SEMA3A: variants seen among roughly 807,000 people sequenced by gnomAD.
SEMA3A encodes semaphorin 3A, also known as semaphorin-3A.
Under a neutral mutation model 97.9 loss-of-function variants are expected in SEMA3A, and 29 were observed. The ratio of observed to expected loss-of-function variants is 0.30; its 90% CI spans 0.22 to 0.40. The LOEUF is 0.40. Among genes scored for constraint, SEMA3A ranks in the 10% least tolerant of loss-of-function variants. The probability of loss-of-function intolerance (pLI) is 1.00; values close to 1 mark genes in which losing one functional copy is unlikely to be tolerated. For synonymous variants in SEMA3A, 321 were observed against 323.7 expected, an observed-to-expected ratio of 0.99 and a Z score of 0.09; for missense variants, 763 against 951.3, an observed-to-expected ratio of 0.80 and a Z score of 2.60.
intron 3 of SEMA3A, among the ~76,000 whole-genome samples, chr7:84,275,352 T>A (rs577140985): frequency 1.3e-5 from 2 of 152,114 alleles, no homozygotes; most frequent in Admixed American, 1.3e-4. Flanking sequence ...AAAGCATCAA[T>A]GTCAATACAA....
At chr7:84,418,473 C>T (rs1300061613) in intron 1 of SEMA3A, among the ~76,000 whole-genome samples, 1 of 152,056 alleles carries the variant, frequency 6.6e-6, no homozygotes, top group Non-Finnish European at 1.5e-5. Flanking sequence ...AGCTACAATT[C>T]AAGATGAGAT....
intron 1 of SEMA3A, among the ~76,000 whole-genome samples, chr7:84,139,662 A>G (rs1273037385): frequency 6.6e-6 from 1 of 152,082 alleles, no homozygotes; most frequent in East Asian, 1.9e-4. Flanking sequence ...GGCAGAAAAA[A>G]TCAACTTAAA....
intron 3 of SEMA3A, among the ~76,000 whole-genome samples, chr7:84,220,913 G>T (rs1798863459): frequency 6.6e-6 from 1 of 152,064 alleles, no homozygotes; most frequent in African/African-American, 2.4e-5. Flanking sequence ...AGCTATATTA[G>T]CTTCTAACAA....
intron 1 of SEMA3A, among the ~76,000 whole-genome samples, chr7:84,162,300 G>A (rs1386888985): frequency 6.6e-6 from 1 of 152,112 alleles, no homozygotes; most frequent in African/African-American, 2.4e-5. Context: ...AGTTGATCCT[G>A]TGTGTACACA....
chr7:84,121,145 CCTT>C (rs1395444027), intron 3 of SEMA3A, among the ~76,000 whole-genome samples: 3 of 152,080 alleles, frequency 2.0e-5, no homozygotes, highest in Non-Finnish European at 4.4e-5. Flanking sequence ...TGCAAACCAG[CCTT>C]CTACTTCAGA....
intron 1 of SEMA3A, among the ~76,000 whole-genome samples, chr7:84,186,149 C>T (rs1459073697): frequency 6.6e-6 from 1 of 152,190 alleles, no homozygotes; most frequent in Non-Finnish European, 1.5e-5. Context: ...CTCTTCTCTA[C>T]TTTTACCTTC....
chr7:84,113,229 AAGAACTGGACAG>A (rs1171655892), intron 3 of SEMA3A, among the ~76,000 whole-genome samples: 1 of 152,260 alleles, frequency 6.6e-6, no homozygotes, highest in Non-Finnish European at 1.5e-5. Flanking sequence ...AGTGCATTAA[AAGAACTGGACAG>A]AGAAGAAGCA....
chr7:84,119,618 C>T (rs372687016), intron 3 of SEMA3A, among the ~76,000 whole-genome samples: 15 of 152,046 alleles, frequency 9.9e-5, no homozygotes, highest in Admixed American at 5.2e-4. Context: ...AGACATAACA[C>T]GTCTGAGTAA....
chr7:83,986,971 C>G (rs1172863213), intron 12 of SEMA3A, among the ~76,000 whole-genome samples: 1 of 97,564 alleles, frequency 1.0e-5, no homozygotes, highest in Non-Finnish European at 2.4e-5. Context: ...CTCTCTCTTT[C>G]ACACACACAC....
intron 3 of SEMA3A, among the ~76,000 whole-genome samples, chr7:84,265,073 T>C (rs1016393966): frequency 6.6e-6 from 1 of 152,142 alleles, no homozygotes; most frequent in African/African-American, 2.4e-5. Flanking sequence ...AAGGCTTCAC[T>C]TGAGTTTTGT....
intron 1 of SEMA3A, among the ~76,000 whole-genome samples, chr7:84,174,275 G>T (rs1797492338): frequency 6.6e-6 from 1 of 152,188 alleles, no homozygotes; most frequent in Non-Finnish European, 1.5e-5. Context: ...TGCCAAAAAG[G>T]TTGGGGACCA....
intron 15 of SEMA3A, among the ~76,000 whole-genome samples, chr7:83,965,653 TATATATATATATA>T (rs1355880418): frequency 0.016 from 209 of 13,260 alleles, 7 homozygotes; most frequent in Non-Finnish European, 0.024. Context: ...TATATATATA[TATATATATATATA>T]TTTTTTTTTT....
intron 2 of SEMA3A, among the ~76,000 whole-genome samples, chr7:84,311,164 G>T (rs762397283): frequency 6.6e-6 from 1 of 151,698 alleles, no homozygotes; most frequent in East Asian, 1.9e-4. Context: ...ATACTATATT[G>T]GGCAAGGTTT....
chr7:84,050,966 A>G (rs1354099682), intron 5 of SEMA3A, among the ~76,000 whole-genome samples: 2 of 151,716 alleles, frequency 1.3e-5, no homozygotes, highest in African/African-American at 2.4e-5. Context: ...TTAAATAGGG[A>G]ATCCTTTCCC....
chr7:83,991,451 T>C (rs1562958937), intron 12 of SEMA3A, among the ~76,000 whole-genome samples: 1 of 150,592 alleles, frequency 6.6e-6, no homozygotes, highest in African/African-American at 2.4e-5. Flanking sequence ...ATATTGGCTG[T>C]GGGTATGTCA....
chr7:84,088,359 C>T (rs1794448817), intron 4 of SEMA3A, among the ~76,000 whole-genome samples: 1 of 151,832 alleles, frequency 6.6e-6, no homozygotes, highest in African/African-American at 2.4e-5. Flanking sequence ...GAAGCTGAGG[C>T]AGGAGAATCG....
rs1385971117 is a variant in SEMA3A, at chr7:84,429,553, G to T, written c.-245-57653C>A. Among the ~76,000 whole-genome samples the T allele has an allele frequency of 5.8e-3, 355 of 61,500 alleles. 2 individuals carry two copies. Among genetic ancestry groups the T allele is most frequent in the African/African-American group, 0.017 (206 of 12,030 alleles). The allele number at this position is 61,500 out of a possible 152,430, so 40.3% of individuals were successfully genotyped here. On this transcript the variant is annotated intron_variant, in intron 1 of 3. Transcript: ENST00000424555. ...ATATATATATATATATATATAGCGA[G>T]AGAGAGAGAGAGAGAGAGAGGTTAA...
At chr7:84,118,487 C>A (rs937462693) in intron 3 of SEMA3A, among the ~76,000 whole-genome samples, 5 of 152,164 alleles carry the variant, frequency 3.3e-5, no homozygotes, top group Admixed American at 2.6e-4. Context: ...CCATTACACT[C>A]CCCAGGTTGT....
At chr7:84,235,389 T>TTGTATGTATTGTATGTA (rs1799212796) in intron 3 of SEMA3A, among the ~76,000 whole-genome samples, 1 of 152,040 alleles carries the variant, frequency 6.6e-6, no homozygotes, top group African/African-American at 2.4e-5. Flanking sequence ...TTGTATGTAT[T>TTGTATGTATTGTATGTA]TTGTAGTTTG....
Sources: allele counts gnomAD v4.1 joint callset (sites outside exome capture counted in the v4.1 genomes callset), GRCh38; gene constraint gnomAD v4.1.1; transcripts MANE v1.5; gene names NCBI Gene and HGNC (gene_info 2026-07-23, HGNC 2026-07-21).